ATP10B: variants seen among roughly 807,000 people sequenced by gnomAD.
The protein encoded by ATP10B is ATPase phospholipid transporting 10B (putative), also known as phospholipid-transporting ATPase VB.
ATP10B carries 122 observed loss-of-function variants against 141.2 expected under a neutral mutation model. The ratio of observed to expected loss-of-function variants is 0.86; its 90% CI spans 0.75 to 1.00. The LOEUF is 1.00. ATP10B is among the 50% of genes least tolerant of loss of function. The pLI, the probability that ATP10B is intolerant of heterozygous loss-of-function variation, is 0.00. For missense variants in ATP10B, 1,876 were observed against 1,825.3 expected (o/e 1.03, Z -0.51); for synonymous variants, 685 against 692.0 (o/e 0.99, Z 0.16).
chr5:160,880,677 A>G, the ATP10B span, among the ~76,000 whole-genome samples: 7 of 152,210 alleles, frequency 4.6e-5, no homozygotes. Context: ...AAATGAGCAA[A>G]TATAATACAA....
At chr5:160,906,046 A>G in the ATP10B span, among the ~76,000 whole-genome samples, 5 of 152,168 alleles carry the variant, frequency 3.3e-5, no homozygotes, top group Non-Finnish European at 5.9e-5. Context: ...TATTATACAC[A>G]GAAATATGCC....
At chr5:160,874,497 A>G in the ATP10B span, among the ~76,000 whole-genome samples, 2 of 152,286 alleles carry the variant, frequency 1.3e-5, no homozygotes, top group East Asian at 1.9e-4. Flanking sequence ...CCAAAGGAAC[A>G]CAGTTCCTCA....
chr5:160,688,652 G>T, intron 4 of ATP10B, 108 bp downstream of exon 4: 1 of 594,368 alleles, frequency 1.7e-6, no homozygotes, highest in Non-Finnish European at 2.1e-6. Flanking sequence ...GGATAGTACA[G>T]AAAAATATAT....
chr5:160,919,417 T>C, the ATP10B span, among the ~76,000 whole-genome samples: 1 of 151,912 alleles, frequency 6.6e-6, no homozygotes, highest in East Asian at 1.9e-4. Context: ...ACAAAGCAAG[T>C]ACTCAATCCA....
chr5:160,570,020 G>GT (rs908793554), intron 24 of ATP10B, among the ~76,000 whole-genome samples: 11 of 151,298 alleles, frequency 7.3e-5, no homozygotes, highest in South Asian at 2.1e-4. Context: ...ATGACTTTTT[G>GT]TTTTTTTTCC....
intron 16 of ATP10B, among the ~76,000 whole-genome samples, 166 bp downstream of exon 16, chr5:160,617,698 C>T (rs746163526): frequency 1.3e-5 from 2 of 152,172 alleles, no homozygotes; most frequent in Admixed American, 6.5e-5. Flanking sequence ...TTTTGGCTTC[C>T]ACAAAATTGT....
intron 5 of ATP10B, chr5:160,686,804 G>T: frequency 7.6e-6 from 2 of 264,588 alleles, no homozygotes; most frequent in Non-Finnish European, 1.2e-5. Flanking sequence ...TATAATATTT[G>T]CATGATATAC....
chr5:160,568,604 C>A (rs1280971362), intron 25 of ATP10B, among the ~76,000 whole-genome samples: 1 of 152,100 alleles, frequency 6.6e-6, no homozygotes, highest in Non-Finnish European at 1.5e-5. Flanking sequence ...AGAACACTGG[C>A]CTTTGAGTTG....
At chr5:160,896,116 C>A in the ATP10B span, among the ~76,000 whole-genome samples, 1 of 151,890 alleles carries the variant, frequency 6.6e-6, no homozygotes, top group African/African-American at 2.4e-5. Context: ...AATTGACACC[C>A]TAACATCATA....
At chr5:160,652,440 TA>T (rs1760814204) in intron 7 of ATP10B, among the ~76,000 whole-genome samples, 1 of 15,942 alleles carries the variant, frequency 6.3e-5, no homozygotes. Context: ...CTTATTTATT[TA>T]TTTATTTATT....
intron 6 of ATP10B, among the ~76,000 whole-genome samples, chr5:160,671,945 C>T (rs1467268298): frequency 6.6e-6 from 1 of 151,134 alleles, no homozygotes; most frequent in African/African-American, 2.4e-5. Flanking sequence ...CTAAGGAACT[C>T]CCCACTTCTC....
chr5:160,593,581 G>A (rs1305316780), intron 22 of ATP10B, among the ~76,000 whole-genome samples: 4 of 152,236 alleles, frequency 2.6e-5, no homozygotes, highest in Non-Finnish European at 5.9e-5. Flanking sequence ...TGACTTTGAC[G>A]AGTTGAGGGA....
At chr5:160,723,325 A>G (rs1232069131) in intron 2 of ATP10B, among the ~76,000 whole-genome samples, 1 of 152,254 alleles carries the variant, frequency 6.6e-6, no homozygotes, top group Non-Finnish European at 1.5e-5. Flanking sequence ...GAGGAGATAT[A>G]TAAAGAAAAA....
intron 1 of ATP10B, among the ~76,000 whole-genome samples, chr5:160,799,282 C>T (rs1383890992): frequency 1.3e-5 from 2 of 152,180 alleles, no homozygotes; most frequent in African/African-American, 2.4e-5. Flanking sequence ...CAACGTGGCA[C>T]ACTGGGAGAT....
chr5:160,901,551 G>A, the ATP10B span, among the ~76,000 whole-genome samples: 936 of 152,230 alleles, frequency 6.1e-3, 13 homozygotes, highest in African/African-American at 0.022. Context: ...TAAACATGCC[G>A]TCAAAGCAAA....
At chr5:160,643,742 A>C (rs1243678691) in intron 9 of ATP10B, among the ~76,000 whole-genome samples, 2 of 152,232 alleles carry the variant, frequency 1.3e-5, no homozygotes, top group African/African-American at 4.8e-5. Context: ...ACACTCTATG[A>C]GGCAGATACA....
chr5:160,891,575 C>A, the ATP10B span, among the ~76,000 whole-genome samples: 1 of 152,152 alleles, frequency 6.6e-6, no homozygotes, highest in Non-Finnish European at 1.5e-5. Context: ...CGTGCTGGGA[C>A]TATAGGCGTG....
intron 1 of ATP10B, among the ~76,000 whole-genome samples, chr5:160,787,124 A>ACACACACAC (rs1554116295): frequency 2.7e-5 from 4 of 148,292 alleles, no homozygotes; most frequent in East Asian, 2.0e-4. Context: ...ACACACACAC[A>ACACACACAC]CACACACACA....
intron 2 of ATP10B, among the ~76,000 whole-genome samples, chr5:160,730,944 G>A (rs1766693959): frequency 6.6e-6 from 1 of 152,130 alleles, no homozygotes; most frequent in Admixed American, 6.5e-5. Context: ...AGTTGTCCTG[G>A]CCCCTGTCCT....
Sources: gnomAD v4.1 joint callset for allele counts (sites outside exome capture counted in the v4.1 genomes callset) on GRCh38, gnomAD v4.1.1 for gene constraint, MANE v1.5 for transcripts, NCBI Gene and HGNC (gene_info 2026-07-23, HGNC 2026-07-21) for gene names.